SGK1: variants seen among roughly 807,000 people sequenced by gnomAD.
SGK1 encodes the protein serum/glucocorticoid regulated kinase 1.
SGK1 carries 26 observed loss-of-function variants against 64.2 expected under a neutral mutation model. The ratio of observed to expected loss-of-function variants is 0.40; its 90% confidence interval spans 0.30 to 0.56. The LOEUF is 0.56. Among genes scored for constraint, SGK1 ranks in the 20% least tolerant of loss-of-function variants. SGK1 has a pLI of 0.38. For missense variants in SGK1, 519 were observed against 645.6 expected (o/e 0.80, Z 2.12); for synonymous variants, 265 against 239.7 (o/e 1.11, Z -0.98).
intron 1 of SGK1, among the ~76,000 whole-genome samples, chr6:134,281,464 T>C (rs1397724442): frequency 6.6e-6 from 1 of 151,938 alleles, no homozygotes; most frequent in Non-Finnish European, 1.5e-5. Flanking sequence ...AGTTACTTAA[T>C]GTTGTAATTA....
intron 2 of SGK1, among the ~76,000 whole-genome samples, chr6:134,242,302 G>C (rs1197246154): frequency 6.6e-6 from 1 of 151,996 alleles, no homozygotes; most frequent in Non-Finnish European, 1.5e-5. Context: ...CCTGGCCAAC[G>C]TGGCAAAACC....
At chr6:134,229,946 C>T (rs1776250982) in intron 2 of SGK1, among the ~76,000 whole-genome samples, 1 of 152,034 alleles carries the variant, frequency 6.6e-6, no homozygotes, top group Non-Finnish European at 1.5e-5. Flanking sequence ...TTTATTAACA[C>T]TTTGTTCTCA....
rs184233086 is a variant in SGK1, at chr6:134,294,998, C to T, written c.69+22394G>A. Among the ~76,000 whole-genome samples the T allele has an allele frequency of 2.3e-4, 35 of 152,162 alleles. 1 individual carries two copies. The East Asian group carries it at 6.4e-3, about 28-fold the overall frequency. ...GACAAAATTGCAGGTCCTGGTAAAACGATTGTGGTTTTTGGCTACATTTAT... is the reference window on the plus strand; with the variant it reads ...GACAAAATTGCAGGTCCTGGTAAAATGATTGTGGTTTTTGGCTACATTTAT... On this transcript the variant is annotated intron_variant, in intron 1 of 13. Coordinates refer to ENST00000367858, the MANE Select transcript of SGK1 (RefSeq NM_001143676.3).
intron 1 of SGK1, chr6:134,296,931 G>C: frequency 3.4e-6 from 1 of 298,378 alleles, no homozygotes; most frequent in East Asian, 1.2e-4. Flanking sequence ...CCTGCACAGG[G>C]GCCTCCCTCC....
intron 2 of SGK1, among the ~76,000 whole-genome samples, chr6:134,232,481 A>G (rs925168158): frequency 4.2e-5 from 6 of 142,910 alleles, no homozygotes; most frequent in Admixed American, 6.9e-5. Context: ...GAAAGAAAGA[A>G]AGAGAAAGAA....
chr6:134,179,333 C>T (rs1435560789), intron 3 of SGK1, among the ~76,000 whole-genome samples: 4 of 152,120 alleles, frequency 2.6e-5, no homozygotes, highest in African/African-American at 9.6e-5. Context: ...CTTTTTGATT[C>T]ATTGTTTGAT....
At chr6:134,303,310 T>C (rs1777486817) in intron 1 of SGK1, among the ~76,000 whole-genome samples, 1 of 151,782 alleles carries the variant, frequency 6.6e-6, no homozygotes, top group Admixed American at 6.6e-5. Context: ...GAGAATGGCG[T>C]GAACCTGGGA....
intron 2 of SGK1, among the ~76,000 whole-genome samples, chr6:134,238,434 G>T (rs763920012): frequency 6.6e-6 from 1 of 152,202 alleles, no homozygotes; most frequent in Non-Finnish European, 1.5e-5. Flanking sequence ...AAAGAAAGGG[G>T]ATTCTGGCAA....
At chr6:134,226,687 C>G (rs1445792400) in intron 2 of SGK1, among the ~76,000 whole-genome samples, 2 of 149,220 alleles carry the variant, frequency 1.3e-5, no homozygotes, top group Non-Finnish European at 3.0e-5. Flanking sequence ...GAGTGAGACC[C>G]TGTCTCAAAA....
chr6:134,287,368 C>T (rs761592719), intron 1 of SGK1, among the ~76,000 whole-genome samples: 10 of 150,102 alleles, frequency 6.7e-5, no homozygotes, highest in Admixed American at 6.0e-4. Context: ...TTATTTTGTC[C>T]TATAAATTTT....
At chr6:134,175,502 G>A (rs1775203441) in intron 3 of SGK1, 2 of 1,431,724 alleles carry the variant, frequency 1.4e-6, no homozygotes, top group African/African-American at 1.5e-5. Context: ...CCGCTCTGGG[G>A]AAGTGAGCCA....
chr6:134,181,364 CGGA>C (rs1775328635), intron 3 of SGK1, among the ~76,000 whole-genome samples: 1 of 151,914 alleles, frequency 6.6e-6, no homozygotes, highest in African/African-American at 2.4e-5. Flanking sequence ...TTTTTTGAGA[CGGA>C]GGAGTCTTAC....
intron 3 of SGK1, among the ~76,000 whole-genome samples, chr6:134,175,156 G>C (rs941660581): frequency 1.3e-5 from 2 of 152,118 alleles, no homozygotes; most frequent in Non-Finnish European, 2.9e-5. Flanking sequence ...GGCGCGGGGA[G>C]GGCCGGAGAG....
intron 1 of SGK1, among the ~76,000 whole-genome samples, chr6:134,265,321 G>A (rs2114752571): frequency 6.6e-6 from 1 of 151,778 alleles, no homozygotes. Context: ...TTAGCTGGGT[G>A]TAGTGTTGGG....
At position 134,241,938 on chromosome 6, in the gene SGK1, T is replaced by C. The variant is rs1027370614; in HGVS notation, c.285+19995A>G. 2.0e-5 allele frequency among the ~76,000 whole-genome samples: 3 copies of C among 151,894 alleles called. No individual in the cohort carries two copies. The East Asian group carries it at 5.8e-4, about 30-fold the overall frequency. ...CCCAGCCTTGTTTTATTATATGAAG[T>C]TACAATCCTGTGTCACAAGATGGGA... On this transcript the variant is annotated intron_variant, in intron 2 of 13. Coordinates refer to ENST00000367858, the MANE Select transcript of SGK1 (RefSeq NM_001143676.3).
intron 1 of SGK1, among the ~76,000 whole-genome samples, chr6:134,275,710 T>G (rs747762646): frequency 1.3e-5 from 2 of 152,204 alleles, no homozygotes; most frequent in Admixed American, 6.5e-5. Flanking sequence ...CCAAGTCTCC[T>G]AGGGTCTGGA....
At chr6:134,288,306 C>G (rs1474624219) in intron 1 of SGK1, among the ~76,000 whole-genome samples, 1 of 151,966 alleles carries the variant, frequency 6.6e-6, no homozygotes, top group Non-Finnish European at 1.5e-5. Flanking sequence ...CAGAGAGAAC[C>G]CTTGGTCAGT....
chr6:134,282,416 C>T (rs1777108117), intron 1 of SGK1, among the ~76,000 whole-genome samples: 1 of 152,048 alleles, frequency 6.6e-6, no homozygotes, highest in African/African-American at 2.4e-5. Context: ...ACTTGGGAGG[C>T]CAAGGAGGGC....
intron 3 of SGK1, among the ~76,000 whole-genome samples, chr6:134,199,131 A>T (rs936441006): frequency 6.6e-6 from 1 of 152,318 alleles, no homozygotes; most frequent in Admixed American, 6.5e-5. Flanking sequence ...ACAAAGACGG[A>T]AACAACAGAC....
Sources: allele counts gnomAD v4.1 joint callset (sites outside exome capture counted in the v4.1 genomes callset), GRCh38; gene constraint gnomAD v4.1.1; transcripts MANE v1.5; gene names NCBI Gene and HGNC (gene_info 2026-07-23, HGNC 2026-07-21).